The following TBC1D22A variants were observed in gnomAD, a reference collection of about 807,000 sequenced individuals.
TBC1D22A encodes the protein TBC1 domain family member 22A.
In TBC1D22A, 38 loss-of-function variants were observed where a neutral mutation model predicts 60.2. The ratio of observed to expected loss-of-function variants is 0.63; its 90% confidence interval spans 0.49 to 0.83. The LOEUF is 0.83. Among genes scored for constraint, TBC1D22A ranks in the 40% least tolerant of loss-of-function variants. The probability of loss-of-function intolerance (pLI) is 0.00; values close to 1 mark genes in which losing one functional copy is unlikely to be tolerated. For synonymous variants in TBC1D22A, 302 were observed against 281.7 expected (o/e 1.07, Z -0.72); for missense variants, 628 against 701.0 (o/e 0.90, Z 1.18).
intron 8 of TBC1D22A, among the ~76,000 whole-genome samples, chr22:46,912,834 C>T (rs913339151): frequency 3.3e-5 from 5 of 152,186 alleles, no homozygotes; most frequent in Non-Finnish European, 7.4e-5. Context: ...GGATTATAGA[C>T]GTGAGCTACC....
intron 9 of TBC1D22A, among the ~76,000 whole-genome samples, chr22:46,994,569 C>T (rs2075055165): frequency 1.3e-5 from 2 of 152,256 alleles, no homozygotes; most frequent in African/African-American, 4.8e-5. Context: ...GAAGAGATCG[C>T]AGTCCCTCAG....
rs114713807 is a variant in TBC1D22A at position 47,101,465 on chromosome 22, C to T, written c.1330-10043C>T. ...CGTCTCTCTAGACCTTGGCCGGGTC[C>T]GAGACCTGTGGGAGTTTCCCAATGC... On this transcript the variant is annotated intron_variant, in intron 11 of 12. Coordinates refer to ENST00000337137, the MANE Select transcript of TBC1D22A (RefSeq NM_014346.5). Among the ~76,000 whole-genome samples, 1,054 of 152,338 alleles carry T rather than the reference C, an allele frequency of 6.9e-3. 16 individuals carry two copies. Among genetic ancestry groups the T allele is most frequent in the African/African-American group, 0.024 (988 of 41,580 alleles).
intron 10 of TBC1D22A, among the ~76,000 whole-genome samples, chr22:47,016,357 C>G (rs2061911651): frequency 6.6e-6 from 1 of 152,182 alleles, no homozygotes; most frequent in South Asian, 2.1e-4. Context: ...CACCTCCCCG[C>G]TACATGAGTG....
Position 47,081,153 on chromosome 22 carries a change from CACTG to C in TBC1D22A, c.1330-30353_1330-30350del, listed in dbSNP as rs370871860. ...AAAAAAAAAAAAAAATGACAGTACA[CACTG>C]AGTAGCATTTGTTCTAGGCTTGCAA... is the stretch of plus-strand genomic sequence containing the variant. On this transcript the variant is annotated intron_variant, in intron 11 of 12. Coordinates refer to ENST00000337137, the MANE Select transcript of TBC1D22A (RefSeq NM_014346.5). 2.3e-3 allele frequency among the ~76,000 whole-genome samples: 349 copies of C among 149,466 alleles called. 4 individuals are homozygous for C. The highest frequency in any genetic ancestry group is 7.3e-3 in the African/African-American group (296 of 40,678).
intron 12 of TBC1D22A, among the ~76,000 whole-genome samples, chr22:47,165,410 C>T (rs2068164741): frequency 6.6e-6 from 1 of 152,200 alleles, no homozygotes; most frequent in South Asian, 2.1e-4. Context: ...GCACGGGTAT[C>T]GCTGCCCCTC....
intron 11 of TBC1D22A, among the ~76,000 whole-genome samples, chr22:47,055,299 C>T (rs1191332339): frequency 6.6e-6 from 1 of 152,170 alleles, no homozygotes; most frequent in Admixed American, 6.5e-5. Flanking sequence ...GCTGCCAAGC[C>T]CAGAGCTGAT....
chr22:46,768,510 T>TCC (rs2083375359), intron 1 of TBC1D22A, among the ~76,000 whole-genome samples: 2 of 117,742 alleles, frequency 1.7e-5, no homozygotes, highest in African/African-American at 3.4e-5. Context: ...AAAAAAAAAA[T>TCC]AGAATCTGAA....
At chr22:47,033,846 G>A (rs1423593802) in intron 10 of TBC1D22A, among the ~76,000 whole-genome samples, 1 of 152,148 alleles carries the variant, frequency 6.6e-6, no homozygotes, top group African/African-American at 2.4e-5. Flanking sequence ...GAAGGCAGCG[G>A]TGAAGGCCGA....
intron 10 of TBC1D22A, among the ~76,000 whole-genome samples, chr22:47,004,013 G>A (rs776649464): frequency 5.2e-5 from 6 of 114,598 alleles, no homozygotes; most frequent in Non-Finnish European, 7.1e-5. Context: ...CCCTACGCAC[G>A]CATGCCTGTA....
chr22:46,876,884 A>G (rs745722416), intron 4 of TBC1D22A, among the ~76,000 whole-genome samples: 1 of 152,214 alleles, frequency 6.6e-6, no homozygotes, highest in Admixed American at 6.5e-5. Flanking sequence ...ACCTATGAGG[A>G]TGGTCATGTG....
chr22:46,991,145 C>T (rs531056632), intron 9 of TBC1D22A, among the ~76,000 whole-genome samples: 1 of 152,182 alleles, frequency 6.6e-6, no homozygotes, highest in Non-Finnish European at 1.5e-5. Context: ...AGCCCTTCCT[C>T]TCTCCATTTC....
chr22:46,942,588 C>T (rs916372088), intron 8 of TBC1D22A, among the ~76,000 whole-genome samples: 10 of 152,162 alleles, frequency 6.6e-5, no homozygotes, highest in African/African-American at 2.4e-4. Flanking sequence ...CTGCGAATCC[C>T]TTCTGAGTGT....
At chr22:46,860,623 C>T (rs1053341735) in intron 4 of TBC1D22A, among the ~76,000 whole-genome samples, 14 of 150,222 alleles carry the variant, frequency 9.3e-5, no homozygotes, top group East Asian at 2.0e-4. Flanking sequence ...TAGAGGTCCG[C>T]GCAGTGCTGT....
Position 46,867,726 on chromosome 22 carries a change from G to A in TBC1D22A, c.638-10927G>A, listed in dbSNP as rs150094654. On this transcript the variant is annotated intron_variant, in intron 4 of 12. Transcript: ENST00000337137. ...TATAGATGACATGGCGAAAATGTGCGACAGGCTTACTGAAGGACTAGGGCA... is the reference window on the plus strand; with the variant it reads ...TATAGATGACATGGCGAAAATGTGCAACAGGCTTACTGAAGGACTAGGGCA... 3.2e-4 allele frequency among the ~76,000 whole-genome samples: 48 copies of A among 152,364 alleles called. 1 individual carries two copies. In the East Asian group the frequency reaches 8.5e-3, roughly 27 times the overall value.
intron 11 of TBC1D22A, among the ~76,000 whole-genome samples, chr22:47,105,326 C>T (rs916647942): frequency 2.0e-5 from 3 of 152,078 alleles, no homozygotes; most frequent in African/African-American, 4.8e-5. Flanking sequence ...GGTATGAATA[C>T]ACCAAATAAT....
chr22:47,019,916 C>CCCTCTCCCTTAACCCTCCATCATG (rs1569345135), intron 10 of TBC1D22A, among the ~76,000 whole-genome samples: 1 of 122,972 alleles, frequency 8.1e-6, no homozygotes, highest in South Asian at 2.5e-4. Flanking sequence ...TCTCCATCCT[C>CCCTCTCCCTTAACCCTCCATCATG]CCCTCTCCCT....
In TBC1D22A at chr22:46,934,248, G is replaced by T. The variant is rs180983798; in HGVS notation, c.1015+22060G>T. Reference sequence around the variant, plus strand: ...TGAAATTTTAAGTACCAGGGAAAAAGGACATGAGAGTTATGTGTTTATCAA... The same window carrying T: ...TGAAATTTTAAGTACCAGGGAAAAATGACATGAGAGTTATGTGTTTATCAA... On this transcript the variant is annotated intron_variant, in intron 8 of 12. Coordinates refer to ENST00000337137, the MANE Select transcript of TBC1D22A (RefSeq NM_014346.5). 4.7e-3 allele frequency among the ~76,000 whole-genome samples: 720 copies of T among 152,318 alleles called. 5 individuals are homozygous for T. The highest frequency in any genetic ancestry group is 0.034 in the Middle Eastern group (10 of 294).
Position 47,127,316 on chromosome 22 carries a change from CT to C in TBC1D22A, c.1425+15714del, listed in dbSNP as rs200218820. Among the ~76,000 whole-genome samples, 917 of 150,386 alleles carry C rather than the reference CT, an allele frequency of 6.1e-3. 9 individuals are homozygous for C. Among genetic ancestry groups the C allele is most frequent in the Middle Eastern group, 0.024 (7 of 292 alleles). ...GATCTTGGCTCACTGCAACCTCCGC[CT>C]CCCGGGTTCAAGCTATTCTCCTGCC... On this transcript the variant is annotated intron_variant, in intron 12 of 12. Coordinates refer to ENST00000337137, the MANE Select transcript of TBC1D22A (RefSeq NM_014346.5).
At chr22:46,960,510 C>T (rs1472636078) in intron 8 of TBC1D22A, among the ~76,000 whole-genome samples, 1 of 152,174 alleles carries the variant, frequency 6.6e-6, no homozygotes, top group Non-Finnish European at 1.5e-5. Flanking sequence ...GATCTGCCGG[C>T]CTCAGTCCCC....
Sources: gnomAD v4.1 joint callset for allele counts (sites outside exome capture counted in the v4.1 genomes callset) on GRCh38, gnomAD v4.1.1 for gene constraint, MANE v1.5 for transcripts, NCBI Gene and HGNC (gene_info 2026-07-23, HGNC 2026-07-21) for gene names.